KCNT2: variants seen among roughly 807,000 people sequenced by gnomAD.
KCNT2 encodes potassium channel subfamily T member 2.
KCNT2 carries 67 observed loss-of-function variants against 153.8 expected under a neutral mutation model. The observed-to-expected ratio is 0.44, with a 90% CI of 0.36 to 0.53. The LOEUF is 0.53. Ranked by LOEUF, KCNT2 falls within the 20% of genes least tolerant of loss-of-function variation. The pLI, the probability that KCNT2 is intolerant of heterozygous loss-of-function variation, is 0.00. For synonymous variants in KCNT2, 500 were observed against 458.8 expected (o/e 1.09, Z -1.15); for missense variants, 975 against 1,354.8 (o/e 0.72, Z 4.40).
intron 5 of KCNT2, among the ~76,000 whole-genome samples, chr1:196,475,606 C>T (rs1382475126): frequency 1.3e-5 from 2 of 150,624 alleles, no homozygotes; most frequent in Admixed American, 1.3e-4. Flanking sequence ...AGAACCTTGT[C>T]TCAAAAAAAA....
At position 196,385,129 on chromosome 1, in the gene KCNT2, T is replaced by A. The variant is rs746875438; in HGVS notation, c.1295-11881A>T. Among the ~76,000 whole-genome samples, 14 of 152,318 alleles carry A rather than the reference T, an allele frequency of 9.2e-5. 1 individual carries two copies. Among genetic ancestry groups the A allele is most frequent in the Non-Finnish European group, 4.4e-5 (3 of 68,028 alleles). On this transcript the variant is annotated intron_variant, in intron 13 of 27. Coordinates refer to ENST00000294725, the MANE Select transcript of KCNT2 (RefSeq NM_198503.5). Reference sequence around the variant, plus strand: ...AGACAATTGAGCCAAATGTTTTGTCTTGTTGGAGTCCTTACCTACTCTGAA... The same window carrying A: ...AGACAATTGAGCCAAATGTTTTGTCATGTTGGAGTCCTTACCTACTCTGAA...
At chr1:196,459,875 CCTTAAAA>C (rs1676998154) in intron 8 of KCNT2, among the ~76,000 whole-genome samples, 1 of 151,744 alleles carries the variant, frequency 6.6e-6, no homozygotes, top group Non-Finnish European at 1.5e-5. Flanking sequence ...CCCTCTAACC[CCTTAAAA>C]CTTGCTTCAG....
chr1:196,323,894 AT>A (rs1219809164), intron 19 of KCNT2, among the ~76,000 whole-genome samples: 15 of 150,938 alleles, frequency 9.9e-5, no homozygotes, highest in South Asian at 2.1e-4. Context: ...AGAAAGCCTC[AT>A]TTTTTTTGTA....
At chr1:196,476,798 A>G (rs1433367738) in intron 5 of KCNT2, among the ~76,000 whole-genome samples, 1 of 151,974 alleles carries the variant, frequency 6.6e-6, no homozygotes, top group Admixed American at 6.6e-5. Flanking sequence ...TTTTTTTATC[A>G]TGAAGCAGTC....
At chr1:196,431,999 G>A (rs1379192091) in intron 8 of KCNT2, among the ~76,000 whole-genome samples, 1 of 152,054 alleles carries the variant, frequency 6.6e-6, no homozygotes, top group African/African-American at 2.4e-5. Flanking sequence ...ACCAGAGTGT[G>A]AAAGGTTTGA....
In KCNT2 at chr1:196,344,214, G is replaced by A. The variant is rs114633101; in HGVS notation, c.1404-1986C>T. On this transcript the variant is annotated intron_variant, in intron 14 of 27. Transcript: ENST00000294725. The stretch of plus-strand genomic sequence containing the variant: ...AATCACTTGGGAGATGTTGGGATCA[G>A]AGAAAACACGCAGTAAATGTAAGCT... Among the ~76,000 whole-genome samples, 864 of 152,266 alleles carry A rather than the reference G, an allele frequency of 5.7e-3. 3 individuals are homozygous for A. The highest frequency in any genetic ancestry group is 8.6e-3 in the Non-Finnish European group (582 of 68,026).
intron 16 of KCNT2, among the ~76,000 whole-genome samples, chr1:196,337,888 C>T (rs777213093): frequency 6.6e-6 from 1 of 152,006 alleles, no homozygotes; most frequent in Non-Finnish European, 1.5e-5. Context: ...TGGTTATCGC[C>T]TGTCTTCTCC....
intron 8 of KCNT2, among the ~76,000 whole-genome samples, chr1:196,464,021 T>A (rs1315145714): frequency 6.6e-6 from 1 of 151,904 alleles, no homozygotes; most frequent in Non-Finnish European, 1.5e-5. Context: ...TTAGTATTTG[T>A]AATTTTCCAA....
chr1:196,284,716 T>C (rs1274332090), intron 23 of KCNT2, among the ~76,000 whole-genome samples: 1 of 152,128 alleles, frequency 6.6e-6, no homozygotes, highest in East Asian at 1.9e-4. Flanking sequence ...AATAGGGGTA[T>C]TTATTCTACT....
At chr1:196,578,069 T>C (rs1359608413) in intron 1 of KCNT2, among the ~76,000 whole-genome samples, 2 of 152,174 alleles carry the variant, frequency 1.3e-5, no homozygotes, top group African/African-American at 2.4e-5. Context: ...CTTAATGCTA[T>C]ACTTTCTGCT....
At chr1:196,497,170 A>G (rs1161923634) in intron 1 of KCNT2, among the ~76,000 whole-genome samples, 3 of 152,198 alleles carry the variant, frequency 2.0e-5, no homozygotes, top group Non-Finnish European at 2.9e-5. Flanking sequence ...TTCCACATCT[A>G]TGTATTCAAC....
chr1:196,572,820 T>G (rs1375958633), intron 1 of KCNT2, among the ~76,000 whole-genome samples: 2 of 152,076 alleles, frequency 1.3e-5, no homozygotes, highest in Non-Finnish European at 2.9e-5. Context: ...AAAGCTTTTA[T>G]GGAGTAAGAA....
chr1:196,413,328 T>A (rs931960382), intron 12 of KCNT2, among the ~76,000 whole-genome samples: 1 of 151,692 alleles, frequency 6.6e-6, no homozygotes, highest in Admixed American at 6.6e-5. Flanking sequence ...TATGAACAAA[T>A]TGTGGTTAAT....
At chr1:196,250,728 C>A (rs935737712) in intron 26 of KCNT2, among the ~76,000 whole-genome samples, 23 of 151,854 alleles carry the variant, frequency 1.5e-4, no homozygotes, top group African/African-American at 5.1e-4. Context: ...GTGTATCTGA[C>A]AAGTGATTAA....
chr1:196,449,350 C>A (rs1182643092), intron 8 of KCNT2, among the ~76,000 whole-genome samples: 1 of 151,590 alleles, frequency 6.6e-6, no homozygotes, highest in African/African-American at 2.4e-5. Context: ...AAAGACCTAA[C>A]AAAGACCTAT....
chr1:196,338,709 C>G (rs1665276898), intron 16 of KCNT2, among the ~76,000 whole-genome samples: 1 of 151,478 alleles, frequency 6.6e-6, no homozygotes, highest in African/African-American at 2.4e-5. Flanking sequence ...AGTGGCAAGG[C>G]TGGAGGCATG....
At chr1:196,532,486 A>G (rs1655077321) in intron 1 of KCNT2, among the ~76,000 whole-genome samples, 2 of 151,980 alleles carry the variant, frequency 1.3e-5, no homozygotes, top group African/African-American at 4.8e-5. Context: ...AATCTATATA[A>G]ACAAGAGAAA....
intron 25 of KCNT2, among the ~76,000 whole-genome samples, chr1:196,277,527 C>T (rs956372885): frequency 5.9e-5 from 9 of 152,246 alleles, no homozygotes; most frequent in African/African-American, 1.9e-4. Flanking sequence ...TAGACTAAAC[C>T]TTTAATATGT....
chr1:196,492,296 T>C lies in KCNT2; in HGVS notation c.141A>G (p.Arg47=), dbSNP rs1251266793. ...GGTTTTTTATGAAAAATAATTTTAG[T>C]CTTTCTTTAAATGTATTTTCATTCA... The part of the protein sequence containing the change: ...FYMNENTFKE[R]LKLFFIKNQR... The change falls in exon 2 of 28, where the codon AGA becomes AGG. Residue 47 remains arginine, a synonymous_variant. Coordinates refer to ENST00000294725, the MANE Select transcript of KCNT2 (RefSeq NM_198503.5). The C allele has an allele frequency of 1.4e-6, 2 of 1,440,260 alleles. No individual in the cohort carries two copies. Among genetic ancestry groups the C allele is most frequent in the South Asian group, 2.6e-5 (2 of 75,774 alleles). 89.2% of individuals were successfully genotyped at this position (1,440,260 alleles called of 1,614,324 possible). A position where few individuals can be genotyped will look rare whatever the true frequency, so the allele number is the denominator to read the frequency against.
Sources: allele counts gnomAD v4.1 joint callset (sites outside exome capture counted in the v4.1 genomes callset), GRCh38; gene constraint gnomAD v4.1.1; transcripts MANE v1.5; gene names NCBI Gene and HGNC (gene_info 2026-07-23, HGNC 2026-07-21).